The following MALRD1 variants were observed in gnomAD, a reference collection of about 807,000 sequenced individuals.
The protein encoded by MALRD1 is MAM and LDL receptor class A domain containing 1, also known as MAM and LDL-receptor class A domain-containing protein 1.
In MALRD1, 247 loss-of-function variants were observed where a neutral mutation model predicts 242.1. The ratio of observed to expected loss-of-function variants is 1.02; its 90% confidence interval spans 0.92 to 1.13. The LOEUF is 1.13. Among genes scored for constraint, MALRD1 ranks in the 50% most tolerant of loss-of-function variants. The probability of loss-of-function intolerance (pLI) is 0.00; values close to 1 mark genes in which losing one functional copy is unlikely to be tolerated. For missense variants in MALRD1, 2,989 were observed against 2,533.1 expected, an observed-to-expected ratio of 1.18 and a Z score of -3.86; for synonymous variants, 995 against 866.6, an observed-to-expected ratio of 1.15 and a Z score of -2.60.
chr10:19,499,252 A>G (rs1589160248), intron 31 of MALRD1, among the ~76,000 whole-genome samples: 1 of 152,150 alleles, frequency 6.6e-6, no homozygotes, highest in Non-Finnish European at 1.5e-5. Flanking sequence ...AAAAAGTCCT[A>G]CTGACTCAGA....
At chr10:19,593,309 C>T (rs1589281949) in intron 33 of MALRD1, among the ~76,000 whole-genome samples, 4 of 152,288 alleles carry the variant, frequency 2.6e-5, no homozygotes, top group Admixed American at 2.6e-4. Flanking sequence ...GCTCCCTAAG[C>T]ACAGCCACAT....
At chr10:19,053,722 T>C (rs1174872311) in intron 1 of MALRD1, among the ~76,000 whole-genome samples, 6 of 152,152 alleles carry the variant, frequency 3.9e-5, no homozygotes, top group African/African-American at 1.4e-4. Flanking sequence ...TTTGACATCC[T>C]GTAAGTGAAG....
intron 36 of MALRD1, among the ~76,000 whole-genome samples, chr10:19,639,077 T>C (rs995977878): frequency 2.0e-5 from 3 of 152,128 alleles, no homozygotes; most frequent in Admixed American, 2.0e-4. Flanking sequence ...GAAATGGAAG[T>C]ATGGCATGGT....
chr10:19,149,119 T>TCTATCTAC (rs1833843580), intron 11 of MALRD1, among the ~76,000 whole-genome samples: 1 of 149,044 alleles, frequency 6.7e-6, no homozygotes, highest in Admixed American at 6.7e-5. Flanking sequence ...TATCTATCTA[T>TCTATCTAC]CTATCTAACT....
chr10:19,479,430 T>A (rs1012863972), intron 29 of MALRD1, among the ~76,000 whole-genome samples: 1 of 152,192 alleles, frequency 6.6e-6, no homozygotes, highest in Non-Finnish European at 1.5e-5. Context: ...ATGGATTTTG[T>A]TGGCTAAGGG....
chr10:19,497,747 T>C (rs1837786281), intron 30 of MALRD1, among the ~76,000 whole-genome samples: 1 of 152,190 alleles, frequency 6.6e-6, no homozygotes, highest in African/African-American at 2.4e-5. Flanking sequence ...TCATTCATTC[T>C]GTCTGTACAA....
chr10:19,719,164 A>G (rs1053911150), intron 38 of MALRD1, among the ~76,000 whole-genome samples: 7 of 92,494 alleles, frequency 7.6e-5, no homozygotes, highest in Non-Finnish European at 1.2e-4. Context: ...TTATATATAT[A>G]TATATACATA....
At chr10:19,698,190 G>A (rs183390073) in intron 38 of MALRD1, among the ~76,000 whole-genome samples, 132 of 152,282 alleles carry the variant, frequency 8.7e-4, no homozygotes, top group African/African-American at 3.1e-3. Context: ...TACCTTTGAA[G>A]CCTGAGGAAT....
intron 14 of MALRD1, among the ~76,000 whole-genome samples, chr10:19,183,527 A>C (rs1247299329): frequency 2.0e-5 from 3 of 152,194 alleles, no homozygotes; most frequent in African/African-American, 7.2e-5. Context: ...CAAACATTTA[A>C]TATTTTAATG....
chr10:19,721,169 T>C (rs1834728889), intron 38 of MALRD1, among the ~76,000 whole-genome samples: 1 of 152,134 alleles, frequency 6.6e-6, no homozygotes, highest in South Asian at 2.1e-4. Context: ...ACATTAAAAA[T>C]TGGTATAATT....
At chr10:19,270,790 G>A (rs1232509507) in intron 19 of MALRD1, among the ~76,000 whole-genome samples, 1 of 144,570 alleles carries the variant, frequency 6.9e-6, no homozygotes, top group African/African-American at 2.6e-5. Flanking sequence ...AGAGGGTTAA[G>A]ATGGCATTCA....
At chr10:19,477,613 G>T (rs1836798971) in intron 29 of MALRD1, among the ~76,000 whole-genome samples, 2 of 152,160 alleles carry the variant, frequency 1.3e-5, no homozygotes, top group African/African-American at 2.4e-5. Context: ...TTTAAGGGTG[G>T]AGGTTTAATA....
chr10:19,567,212 A>G (rs1342712236), intron 32 of MALRD1, among the ~76,000 whole-genome samples: 1 of 152,136 alleles, frequency 6.6e-6, no homozygotes, highest in African/African-American at 2.4e-5. Context: ...ATTTGTGTTT[A>G]TATCTCCTCC....
chr10:19,049,344 C>T lies in MALRD1; in HGVS notation c.199+207C>T, dbSNP rs1326845685. On this transcript the variant is annotated intron_variant, in intron 1 of 39. Transcript: ENST00000454679. ...ATTATCAAATCATGAAGATATTCAC[C>T]TGATGGAATATATTTTTCAGTCAGT... Among the ~76,000 whole-genome samples the T allele has an allele frequency of 1.3e-5, 2 of 151,948 alleles. 1 individual carries two copies. The highest frequency in any genetic ancestry group is 2.9e-5 in the Non-Finnish European group (2 of 68,000).
intron 26 of MALRD1, among the ~76,000 whole-genome samples, chr10:19,367,238 C>A (rs777392932): frequency 6.6e-6 from 1 of 151,846 alleles, no homozygotes; most frequent in Non-Finnish European, 1.5e-5. Flanking sequence ...AATTTTATAC[C>A]TTTAGCAAAC....
chr10:19,487,517 CTTTTTTTTT>C (rs11301302), intron 29 of MALRD1, among the ~76,000 whole-genome samples: 31 of 142,170 alleles, frequency 2.2e-4, no homozygotes, highest in Non-Finnish European at 4.6e-5. Context: ...CCTATTTTAA[CTTTTTTTTT>C]TTTTTTTTTA....
At chr10:19,308,805 G>C (rs1269297916) in intron 21 of MALRD1, among the ~76,000 whole-genome samples, 4 of 151,672 alleles carry the variant, frequency 2.6e-5, no homozygotes, top group African/African-American at 9.6e-5. Flanking sequence ...TGGAACAAAA[G>C]AGCTTGCCTA....
At chr10:19,347,209 G>A (rs1339661935) in intron 24 of MALRD1, among the ~76,000 whole-genome samples, 3 of 152,046 alleles carry the variant, frequency 2.0e-5, no homozygotes, top group African/African-American at 7.2e-5. Context: ...AAAGTACCTG[G>A]GAGATAGTGT....
intron 33 of MALRD1, among the ~76,000 whole-genome samples, chr10:19,575,713 A>G (rs753504033): frequency 3.3e-5 from 5 of 152,086 alleles, no homozygotes; most frequent in African/African-American, 4.8e-5. Context: ...GAAACCAGTT[A>G]TTGTCCACTG....
Sources: gnomAD v4.1 joint callset for allele counts (sites outside exome capture counted in the v4.1 genomes callset) on GRCh38, gnomAD v4.1.1 for gene constraint, MANE v1.5 for transcripts, NCBI Gene and HGNC (gene_info 2026-07-23, HGNC 2026-07-21) for gene names.